MAP7D2: variants seen among roughly 807,000 people sequenced by gnomAD.
The protein encoded by MAP7D2 is MAP7 domain-containing protein 2.
MAP7D2 carries 33 observed loss-of-function variants against 63.5 expected under a neutral mutation model. The observed-to-expected ratio is 0.52, with a 90% CI of 0.39 to 0.70. The LOEUF is 0.70. Among genes scored for constraint, MAP7D2 ranks in the 30% least tolerant of loss-of-function variants. MAP7D2 has a pLI of 0.00. For missense variants in MAP7D2, 626 were observed against 604.0 expected (o/e 1.04, Z -0.38); for synonymous variants, 224 against 223.7 (o/e 1.00, Z -0.01).
At chrX:20,052,699 G>A (rs763013544) in intron 5 of MAP7D2, among the ~76,000 whole-genome samples, 179 bp downstream of exon 5, 6 of 112,317 alleles carry the variant, frequency 5.3e-5, no homozygotes, top group Admixed American at 2.8e-4. Context: ...CTAAAGAGCC[G>A]TGCCACGTTC....
At chrX:20,093,601 G>A (rs867512712) in intron 1 of MAP7D2, among the ~76,000 whole-genome samples, 3 of 110,919 alleles carry the variant, frequency 2.7e-5, no homozygotes, top group Non-Finnish European at 3.8e-5. Context: ...AGGTTGTAGC[G>A]AGCCATGATC....
At chrX:20,074,201 C>T (rs111905278) in intron 1 of MAP7D2, among the ~76,000 whole-genome samples, 2,637 of 109,539 alleles carry the variant, frequency 0.024, 82 homozygotes, top group African/African-American at 0.083. Flanking sequence ...ATCCAATGTC[C>T]TATTAAGTGG....
chrX:20,030,893 C>G (rs988269106), intron 8 of MAP7D2, among the ~76,000 whole-genome samples: 1 of 112,089 alleles, frequency 8.9e-6, no homozygotes, highest in African/African-American at 3.2e-5. Flanking sequence ...ACCTCTGCCA[C>G]GAGATTCCTG....
At position 20,015,335 on chromosome X, in the gene MAP7D2, A is replaced by T; in HGVS notation, c.1645-8T>A. ...TGTTTCTGCTGCTTCTTTCTAACAG[A>T]AACAGGTAAATCAAGGCAAAGCTTT... On this transcript the variant is annotated splice_region_variant and splice_polypyrimidine_tract_variant and intron_variant, in intron 11 of 16. Coordinates refer to ENST00000379643, the MANE Select transcript of MAP7D2 (RefSeq NM_001168465.2). The T allele has an allele frequency of 1.7e-6, 2 of 1,187,103 alleles. No individual in the cohort carries two copies. The highest frequency in any genetic ancestry group is 3.5e-5 in the South Asian group (2 of 56,351).
chrX:20,088,495 T>G (rs2065981300), intron 1 of MAP7D2, among the ~76,000 whole-genome samples: 3 of 53,291 alleles, frequency 5.6e-5, no homozygotes, highest in Non-Finnish European at 9.3e-5. Flanking sequence ...TTTTTTTTTT[T>G]TTTTTTTTTT....
chrX:20,036,903 CAAA>C (rs59036515), intron 8 of MAP7D2, among the ~76,000 whole-genome samples: 49 of 29,722 alleles, frequency 1.6e-3, no homozygotes, highest in African/African-American at 5.1e-3. Flanking sequence ...GACTCCATCT[CAAA>C]AAAAAAAAAA....
rs1274531216 is a variant in MAP7D2, at chrX:20,034,848, A to T, written c.1007+7654T>A. On this transcript the variant is annotated intron_variant, in intron 8 of 16. Transcript: ENST00000379643. ...AGCACCTACTGTGCAACAATAAATC[A>T]AGACAGTTCCCAACCTCATAGCAGT... Among the ~76,000 whole-genome samples the T allele has an allele frequency of 2.7e-5, 3 of 111,619 alleles. No individual in the cohort carries two copies. In the East Asian group the frequency reaches 8.4e-4, roughly 31 times the overall value.
rs766497170 is a variant in MAP7D2 at position 20,100,847 on chromosome X, C to A, written c.130+15903G>T. ...GACCAGCCTGACCAACATGGAGAAA[C>A]CCTGTCTCTACTAAAAATATAAAAT... On this transcript the variant is annotated intron_variant, in intron 1 of 16. Coordinates refer to ENST00000379643, the MANE Select transcript of MAP7D2 (RefSeq NM_001168465.2). Among the ~76,000 whole-genome samples the A allele has an allele frequency of 7.2e-5, 8 of 110,390 alleles. No homozygotes were observed. The South Asian group carries it at 3.1e-3, about 43-fold the overall frequency.
intron 1 of MAP7D2, among the ~76,000 whole-genome samples, chrX:20,107,817 T>A (rs1190523441): frequency 8.9e-6 from 1 of 112,057 alleles, no homozygotes; most frequent in East Asian, 2.8e-4. Flanking sequence ...AGTCTTTTTC[T>A]TTAAATTGAC....
At chrX:20,072,561 A>G (rs1336232866) in intron 1 of MAP7D2, among the ~76,000 whole-genome samples, 3 of 111,711 alleles carry the variant, frequency 2.7e-5, no homozygotes, top group African/African-American at 9.8e-5. Flanking sequence ...AAGCAGTAAC[A>G]TATACTGAGC....
intron 1 of MAP7D2, among the ~76,000 whole-genome samples, chrX:20,076,544 A>T (rs1020068784): frequency 9.0e-6 from 1 of 110,532 alleles, no homozygotes; most frequent in Admixed American, 9.7e-5. Context: ...CGTCTCTACT[A>T]AAAATACAAA....
At position 20,016,325 on chromosome X, in the gene MAP7D2, C is replaced by A; in HGVS notation, c.1413G>T (p.Arg471Ser). ...QERLEKEEQD[R>S]LEREELKRKA... ...TTCTTTTCAATTCCTCTCTCTCCAG[C>A]CTTTTGAGAATACAACTGTTGTTAG... is the stretch of plus-strand genomic sequence containing the variant. Residue 471 changes from arginine (R) to serine (S), a missense_variant and splice_region_variant, in exon 11 of 17, where the codon AGG (arginine) becomes AGT (serine). Coordinates refer to ENST00000379643, the MANE Select transcript of MAP7D2 (RefSeq NM_001168465.2). 1 of 1,205,887 alleles carries A rather than the reference C, an allele frequency of 8.3e-7. No individual in the cohort carries two copies. Among genetic ancestry groups the A allele is most frequent in the Admixed American group, 2.2e-5 (1 of 45,739 alleles).
chrX:20,098,650 A>C (rs758126899), intron 1 of MAP7D2, among the ~76,000 whole-genome samples: 12 of 111,630 alleles, frequency 1.1e-4, no homozygotes, highest in Non-Finnish European at 2.1e-4. Flanking sequence ...CCAGCCCCAG[A>C]GAATGTTGAG....
At chrX:20,051,379 G>A (rs1007293854) in intron 5 of MAP7D2, among the ~76,000 whole-genome samples, 4 of 110,517 alleles carry the variant, frequency 3.6e-5, no homozygotes, top group Non-Finnish European at 7.6e-5. Flanking sequence ...GCGAAACCTC[G>A]TCTCTACAAA....
intron 8 of MAP7D2, 84 bp downstream of exon 8, chrX:20,042,418 G>A: frequency 1.8e-6 from 2 of 1,098,975 alleles, no homozygotes; most frequent in African/African-American, 3.6e-5. Context: ...CGGGGGAGCA[G>A]GAGCTGCAAC....
chrX:20,053,537 G>C (rs1350801542), intron 4 of MAP7D2, among the ~76,000 whole-genome samples: 1 of 111,709 alleles, frequency 9.0e-6, no homozygotes, highest in Non-Finnish European at 1.9e-5. Flanking sequence ...CTTAGTAAGA[G>C]ACAGATCAAA....
chrX:20,035,044 C>T (rs1038465885), intron 8 of MAP7D2, among the ~76,000 whole-genome samples: 8 of 111,442 alleles, frequency 7.2e-5, no homozygotes, highest in Admixed American at 3.8e-4. Context: ...TCATCTGAAC[C>T]GGTTTAATTT....
chrX:20,116,443 G>A, intron 1 of MAP7D2: 1 of 452,443 alleles, frequency 2.2e-6, no homozygotes, highest in Non-Finnish European at 2.8e-6. Flanking sequence ...CGAGGACGGG[G>A]ACTGGACCCG....
chrX:20,104,917 A>G (rs899822065), intron 1 of MAP7D2, among the ~76,000 whole-genome samples: 1 of 112,540 alleles, frequency 8.9e-6, no homozygotes, highest in East Asian at 2.8e-4. Context: ...TGGTAAATGT[A>G]GTGCTGAAAA....
Sources: allele counts gnomAD v4.1 joint callset (sites outside exome capture counted in the v4.1 genomes callset), GRCh38; gene constraint gnomAD v4.1.1; transcripts MANE v1.5; gene names NCBI Gene and HGNC (gene_info 2026-07-23, HGNC 2026-07-21).